ALDH16A1: variants seen among roughly 807,000 people sequenced by gnomAD.
The protein encoded by ALDH16A1 is aldehyde dehydrogenase 16 family member A1.
A neutral mutation model predicts 96.1 loss-of-function variants in ALDH16A1; 88 were observed. The ratio of observed to expected loss-of-function variants is 0.92; its 90% CI spans 0.77 to 1.09. The LOEUF is 1.09. Among genes scored for constraint, ALDH16A1 ranks in the 50% least tolerant of loss-of-function variants. ALDH16A1 has a pLI of 0.00. For synonymous variants in ALDH16A1, 522 were observed against 496.4 expected (o/e 1.05, Z -0.69); for missense variants, 1,250 against 1,112.6 (o/e 1.12, Z -1.76).
At chr19:49,467,469 A>G (rs2079208322) in intron 14 of ALDH16A1, among the ~76,000 whole-genome samples, 2 of 148,148 alleles carry the variant, frequency 1.3e-5, no homozygotes, top group African/African-American at 2.5e-5. Flanking sequence ...ATCTCGGCTC[A>G]CTGCAACCTC....
chr19:49,458,688 G>A, intron 2 of ALDH16A1, 100 bp downstream of exon 2: 1 of 1,306,912 alleles, frequency 7.7e-7, no homozygotes, highest in Admixed American at 2.0e-5. Flanking sequence ...CTGAGGGCAG[G>A]AAACAGCTGG....
chr19:49,453,441 G>C lies in ALDH16A1; in HGVS notation c.90+20G>C. The C allele has an allele frequency of 6.6e-7, 1 of 1,513,778 alleles. No individual in the cohort carries two copies. Among genetic ancestry groups the C allele is most frequent in the South Asian group, 1.2e-5 (1 of 83,010 alleles). The allele number at this position is 1,513,778 out of a possible 1,614,324, so 93.8% of individuals were successfully genotyped here. A position where few individuals can be genotyped will look rare whatever the true frequency, so the allele number is the denominator to read the frequency against. On this transcript the variant is annotated intron_variant, in intron 1 of 16. Transcript: ENST00000293350. ...GCACTGGTGAGAGTCTGCCCGGCCGGCGCTGCTCGCTGCGTTCCCCAGGCC... is the reference window on the plus strand; with the variant it reads ...GCACTGGTGAGAGTCTGCCCGGCCGCCGCTGCTCGCTGCGTTCCCCAGGCC...
intron 1 of ALDH16A1, among the ~76,000 whole-genome samples, chr19:49,457,367 G>A (rs920349114): frequency 1.3e-5 from 2 of 151,654 alleles, no homozygotes; most frequent in African/African-American, 4.8e-5. Context: ...CTAACACAGT[G>A]AAACCCCATC....
At position 49,470,423 on chromosome 19, in the gene ALDH16A1, CG is replaced by C; in HGVS notation, c.2366del (p.Arg789GlnfsTer17). On this transcript the variant is annotated frameshift_variant, in exon 17 of 17. Transcript: ENST00000293350. LOFTEE classifies it high-confidence loss of function. ...GGGGGCAGGCCCAGAGCTGGGGCTG[CG>C]AGTGGCGCGGACCAAGGCCCTGTGG... ...AEGAGPELGLRVARTKALWLP... is the reference protein window; with the variant it reads ...AEGAGPELGLXVARTKALWLP... 6.2e-7 allele frequency: 1 copy of C among 1,606,394 alleles called. No homozygotes were observed. Among genetic ancestry groups the C allele is most frequent in the Non-Finnish European group, 8.5e-7 (1 of 1,177,168 alleles).
intron 2 of ALDH16A1, 115 bp downstream of exon 2, chr19:49,458,703 G>A: frequency 8.3e-7 from 1 of 1,202,870 alleles, no homozygotes. Flanking sequence ...AGCTGGTGGT[G>A]GGAGATGGGC....
Position 49,464,613 on chromosome 19 carries a change from G to A in ALDH16A1, c.1438-19G>A, listed in dbSNP as rs756048720. 11 of 1,613,764 alleles carry A rather than the reference G, an allele frequency of 6.8e-6. No homozygotes were observed. The African/African-American group carries it at 1.3e-4, about 20-fold the overall frequency. On this transcript the variant is annotated intron_variant, in intron 11 of 16. Coordinates refer to ENST00000293350, the MANE Select transcript of ALDH16A1 (RefSeq NM_153329.4). ...CCTCGCGTGCCCCTTGCATCCTCTT[G>A]ACACCGTCCCTCTCACAGGGGCTGT...
intron 13 of ALDH16A1, 28 bp from the exon 14 acceptor site, chr19:49,466,054 A>G (rs1056061571): frequency 6.5e-7 from 1 of 1,538,040 alleles, no homozygotes; most frequent in Non-Finnish European, 8.7e-7. Context: ...CAGGATGCCA[A>G]CCCCCACTGT....
chr19:49,456,650 A>T (rs1489916649), intron 1 of ALDH16A1, among the ~76,000 whole-genome samples: 2 of 152,088 alleles, frequency 1.3e-5, no homozygotes, highest in Non-Finnish European at 2.9e-5. Context: ...TCAGCGTGGG[A>T]AAGTGCAGGG....
At chr19:49,458,342 CTT>C in intron 1 of ALDH16A1, 142 bp from the exon 2 acceptor site, 2 of 641,402 alleles carry the variant, frequency 3.1e-6, no homozygotes, top group Non-Finnish European at 2.7e-6. Context: ...TTACCACAAA[CTT>C]TTTTTTTAAA....
In ALDH16A1 at chr19:49,468,717, G is replaced by A; in HGVS notation, c.2125-147G>A. 7.4e-7 allele frequency: 1 copy of A among 1,350,706 alleles called. No homozygotes were observed. The highest frequency in any genetic ancestry group is 1.0e-6 in the Non-Finnish European group (1 of 991,238). The allele number at this position is 1,350,706 out of a possible 1,614,324, so 83.7% of individuals were successfully genotyped here. On this transcript the variant is annotated intron_variant, in intron 15 of 16. Coordinates refer to ENST00000293350, the MANE Select transcript of ALDH16A1 (RefSeq NM_153329.4). This position sits in a 1 kb window ranked among gnomAD's most constrained non-coding sequence, Gnocchi z 4.4. ...CAGCACCCAAACCTTCACTCCTTGG[G>A]GACCCAGTGCCCATTCTTCACCCTA...
chr19:49,457,411 G>C (rs1382590836), intron 1 of ALDH16A1, among the ~76,000 whole-genome samples: 1 of 151,484 alleles, frequency 6.6e-6, no homozygotes, highest in Non-Finnish European at 1.5e-5. Flanking sequence ...AGCCAGGCGT[G>C]GTGGCAGGCG....
chr19:49,453,509 G>A, intron 1 of ALDH16A1, 88 bp downstream of exon 1: 2 of 1,243,042 alleles, frequency 1.6e-6, no homozygotes, highest in Non-Finnish European at 1.1e-6. Context: ...ATCCACTGCG[G>A]TAGCTCAGCC....
intron 14 of ALDH16A1, among the ~76,000 whole-genome samples, chr19:49,466,487 G>A (rs915758045): frequency 5.9e-5 from 9 of 152,190 alleles, no homozygotes; most frequent in South Asian, 2.1e-4. Context: ...GTAGAGTAGC[G>A]TTCGCCAGAT....
rs781384834 is a variant in ALDH16A1, at chr19:49,461,610, C to T, written c.578-9C>T. On this transcript the variant is annotated splice_polypyrimidine_tract_variant and intron_variant, in intron 5 of 16. Coordinates refer to ENST00000293350, the MANE Select transcript of ALDH16A1 (RefSeq NM_153329.4). Reference sequence around the variant, plus strand: ...ACTCCTGGGCCTTTGAGCTGCCCCACTTCCCCAGGCTGCACCGTGGTGGCC... The same window carrying T: ...ACTCCTGGGCCTTTGAGCTGCCCCATTTCCCCAGGCTGCACCGTGGTGGCC... 7.0e-6 allele frequency: 11 copies of T among 1,563,724 alleles called. No individual in the cohort carries two copies. Among genetic ancestry groups the T allele is most frequent in the African/African-American group, 1.4e-5 (1 of 72,736 alleles).
At chr19:49,462,535 A>G in intron 7 of ALDH16A1, 35 bp from the exon 8 acceptor site, 2 of 1,601,614 alleles carry the variant, frequency 1.2e-6, no homozygotes, top group South Asian at 2.2e-5. Flanking sequence ...CTAGAGTGCA[A>G]TGGTGTGATC....
chr19:49,459,456 G>T lies in ALDH16A1; in HGVS notation c.321-214G>T, dbSNP rs2079124840. Among the ~76,000 whole-genome samples, 1 of 152,198 alleles carries T rather than the reference G, an allele frequency of 6.6e-6. No individual in the cohort carries two copies. Among genetic ancestry groups the T allele is most frequent in the African/African-American group, 2.4e-5 (1 of 41,452 alleles). On this transcript the variant is annotated intron_variant, in intron 3 of 16. Transcript: ENST00000293350. This position sits in a 1 kb window ranked among gnomAD's most constrained non-coding sequence, Gnocchi z 4.1. ...GACTCAATTTCCCAAAAGCTTCAGG[G>T]ATTTCCGGCGGCCAAGACCTTTACA...
chr19:49,466,074 G>A lies in ALDH16A1; in HGVS notation c.1737-8G>A, dbSNP rs1353877220. The A allele has an allele frequency of 1.9e-6, 3 of 1,541,210 alleles. No homozygotes were observed. The highest frequency in any genetic ancestry group is 2.4e-5 in the South Asian group (2 of 84,052). ...TGCCAACCCCCACTGTGCGCTGTCTGCCCACAGCTGGGCGGGCCAGTCCCC... is the reference window on the plus strand; with the variant it reads ...TGCCAACCCCCACTGTGCGCTGTCTACCCACAGCTGGGCGGGCCAGTCCCC... On this transcript the variant is annotated splice_region_variant and splice_polypyrimidine_tract_variant and intron_variant, in intron 13 of 16. Transcript: ENST00000293350.
Position 49,468,415 on chromosome 19 carries a change from G to C in ALDH16A1, c.1973G>C (p.Arg658Pro), listed in dbSNP as rs755890562. ...CTGAGAGGCCCTGTGCTGCGCCTGCGGGAGCCGCTGGGTGTGCTGGCTGTG... is the reference window on the plus strand; with the variant it reads ...CTGAGAGGCCCTGTGCTGCGCCTGCCGGAGCCGCTGGGTGTGCTGGCTGTG... Reference protein sequence around the residue: ...AGLRGPVLRLREPLGVLAVVC... With the variant: ...AGLRGPVLRLPEPLGVLAVVC... The change falls in exon 15 of 17, where the codon CGG (arginine) becomes CCG (proline). Residue 658 changes from arginine to proline, a missense_variant. Arg to Pro is a moderately radical substitution (Grantham distance 103). Transcript: ENST00000293350. The surrounding 1 kb of genome is among the most constrained non-coding windows in gnomAD (Gnocchi z 4.4). The C allele has an allele frequency of 6.2e-7, 1 of 1,600,374 alleles. No individual in the cohort carries two copies. The highest frequency in any genetic ancestry group is 2.2e-5 in the East Asian group (1 of 44,866).
rs200808846 is a variant in ALDH16A1, at chr19:49,458,954, C to G, written c.194-6C>G. On this transcript the variant is annotated splice_region_variant and splice_polypyrimidine_tract_variant and intron_variant, in intron 2 of 16. Coordinates refer to ENST00000293350, the MANE Select transcript of ALDH16A1 (RefSeq NM_153329.4). ...CCCATCTGAGTCCCCCCACTTTTCT[C>G]CCCAGGAGAGAACTTGGCCAGTTGC... is the stretch of plus-strand genomic sequence containing the variant. 21 of 1,611,272 alleles carry G rather than the reference C, an allele frequency of 1.3e-5. No individual in the cohort carries two copies. Among genetic ancestry groups the G allele is most frequent in the Non-Finnish European group, 1.5e-5 (18 of 1,178,456 alleles).
Sources: allele counts gnomAD v4.1 joint callset (sites outside exome capture counted in the v4.1 genomes callset), GRCh38; gene constraint gnomAD v4.1.1; non-coding constraint Gnocchi (gnomAD v3.1); transcripts MANE v1.5; gene names NCBI Gene and HGNC (gene_info 2026-07-23, HGNC 2026-07-21).